Variants in ITPR2 observed in about 807,000 individuals in gnomAD.
ITPR2 encodes the protein inositol 1,4,5-trisphosphate receptor type 2, also known as inositol 1,4,5-trisphosphate-gated calcium channel ITPR2.
Under a neutral mutation model 317.1 loss-of-function variants are expected in ITPR2, and 207 were observed. That is an observed-to-expected ratio of 0.65 (90% CI 0.58 to 0.73). The LOEUF (loss-of-function observed/expected upper bound fraction) is 0.73, where lower values mean the gene tolerates loss of function less well. Among genes scored for constraint, ITPR2 ranks in the 30% least tolerant of loss-of-function variants. ITPR2 has a pLI of 0.00. For missense variants in ITPR2, 2,613 were observed against 3,284.0 expected (o/e 0.80, Z 4.99); for synonymous variants, 1,156 against 1,149.1 (o/e 1.01, Z -0.12).
intron 45 of ITPR2, among the ~76,000 whole-genome samples, chr12:26,448,002 TA>T (rs10648745): frequency 2.7e-5 from 4 of 147,584 alleles, no homozygotes; most frequent in Admixed American, 6.7e-5. Flanking sequence ...GACTTTTTTT[TA>T]AAAAAAAAAA....
At chr12:26,670,018 G>T (rs1947721615) in intron 13 of ITPR2, among the ~76,000 whole-genome samples, 1 of 152,220 alleles carries the variant, frequency 6.6e-6, no homozygotes, top group Non-Finnish European at 1.5e-5. Flanking sequence ...CATTGCCCAG[G>T]CTTGCTTAGG....
At chr12:26,602,522 A>G in intron 27 of ITPR2, 27 bp from the exon 28 acceptor site, 1 of 1,595,810 alleles carries the variant, frequency 6.3e-7, no homozygotes, top group Non-Finnish European at 8.6e-7. Context: ...GAAAGCATCA[A>G]ATATAATAAA....
intron 35 of ITPR2, among the ~76,000 whole-genome samples, chr12:26,560,922 C>T (rs2137027515): frequency 6.6e-6 from 1 of 152,272 alleles, no homozygotes; most frequent in Middle Eastern, 3.4e-3. Context: ...CAATATTCTA[C>T]TAATTATGTG....
intron 30 of ITPR2, 88 bp from the exon 31 acceptor site, chr12:26,597,222 T>C (rs1591944664): frequency 1.5e-6 from 2 of 1,376,520 alleles, no homozygotes; most frequent in East Asian, 4.6e-5. Flanking sequence ...TGGAAACACG[T>C]ATATCTCTTC....
chr12:26,398,057 GGTGTGTGTGTGTGTGT>G (rs35660888), intron 54 of ITPR2, among the ~76,000 whole-genome samples: 3 of 135,002 alleles, frequency 2.2e-5, no homozygotes, highest in African/African-American at 8.6e-5. Flanking sequence ...GGAGGGGAGT[GGTGTGTGTGTGTGTGT>G]GTGTGTGTGT....
At chr12:26,677,490 C>T (rs1947937157) in intron 13 of ITPR2, among the ~76,000 whole-genome samples, 1 of 151,916 alleles carries the variant, frequency 6.6e-6, no homozygotes, top group Non-Finnish European at 1.5e-5. Flanking sequence ...TTCCCAGCTA[C>T]TCGGGAGTCT....
intron 37 of ITPR2, among the ~76,000 whole-genome samples, chr12:26,535,596 A>G (rs553095019): frequency 6.6e-6 from 1 of 152,328 alleles, no homozygotes; most frequent in African/African-American, 2.4e-5. Context: ...TAAATCAGTC[A>G]AGTACTTGGG....
At chr12:26,522,843 G>GC (rs1555147193) in intron 37 of ITPR2, among the ~76,000 whole-genome samples, 33 of 151,796 alleles carry the variant, frequency 2.2e-4, no homozygotes, top group African/African-American at 7.9e-4. Context: ...TTCCACGGCG[G>GC]GGGGGGAACC....
At chr12:26,788,270 T>C (rs1950291216) in intron 2 of ITPR2, among the ~76,000 whole-genome samples, 1 of 152,202 alleles carries the variant, frequency 6.6e-6, no homozygotes, top group Non-Finnish European at 1.5e-5. Flanking sequence ...TCTGGAAATA[T>C]TTCAGGGCTC....
In ITPR2 at chr12:26,707,479, G is replaced by A. The variant is rs151202802; in HGVS notation, c.951+3694C>T. ...GTCACTCAAAATATAGAGAACCCCC[G>A]TCCTACTTGAACGACATGACTAATG... On this transcript the variant is annotated intron_variant, in intron 9 of 56. Transcript: ENST00000381340. 2.4e-3 allele frequency among the ~76,000 whole-genome samples: 364 copies of A among 152,206 alleles called. 2 individuals carry two copies. Among genetic ancestry groups the A allele is most frequent in the African/African-American group, 7.2e-3 (298 of 41,542 alleles).
At chr12:26,437,066 G>A (rs567407510) in intron 47 of ITPR2, among the ~76,000 whole-genome samples, 78 of 152,208 alleles carry the variant, frequency 5.1e-4, no homozygotes, top group South Asian at 4.6e-3. Context: ...TACATCAATC[G>A]AATACAGTTT....
intron 26 of ITPR2, among the ~76,000 whole-genome samples, chr12:26,620,460 G>A (rs551531281): frequency 6.6e-6 from 1 of 152,242 alleles, no homozygotes; most frequent in East Asian, 1.9e-4. Flanking sequence ...CACCAGACAG[G>A]CATTTACAAA....
At chr12:26,573,903 A>T (rs1480510132) in intron 34 of ITPR2, among the ~76,000 whole-genome samples, 2 of 152,154 alleles carry the variant, frequency 1.3e-5, no homozygotes, top group African/African-American at 4.8e-5. Flanking sequence ...ACATGTTAAG[A>T]TCCTCTAACA....
chr12:26,768,515 T>C (rs1949774082), intron 2 of ITPR2, among the ~76,000 whole-genome samples: 3 of 124,286 alleles, frequency 2.4e-5, no homozygotes, highest in African/African-American at 9.6e-5. Flanking sequence ...AATTCAGATC[T>C]AAAGGTATTA....
intron 1 of ITPR2, among the ~76,000 whole-genome samples, chr12:26,828,180 C>T (rs1187706511): frequency 1.3e-5 from 2 of 152,154 alleles, no homozygotes; most frequent in Admixed American, 1.3e-4. Flanking sequence ...CTCCAACTAA[C>T]AGAAGAGAAA....
chr12:26,735,952 T>C (rs1949112667), intron 2 of ITPR2, among the ~76,000 whole-genome samples: 1 of 152,238 alleles, frequency 6.6e-6, no homozygotes, highest in African/African-American at 2.4e-5. Context: ...ACCTTTACTA[T>C]AGCACCCATC....
At chr12:26,815,125 G>C (rs548732660) in intron 1 of ITPR2, among the ~76,000 whole-genome samples, 39 of 152,270 alleles carry the variant, frequency 2.6e-4, no homozygotes, top group African/African-American at 7.9e-4. Context: ...AATCAGTTGA[G>C]GTCAGGAGTT....
At chr12:26,441,630 T>G (rs1203395471) in intron 46 of ITPR2, among the ~76,000 whole-genome samples, 1 of 151,896 alleles carries the variant, frequency 6.6e-6, no homozygotes, top group East Asian at 1.9e-4. Context: ...GATCAACGAG[T>G]TCATCAGCCT....
Position 26,339,252 on chromosome 12 carries a change from G to A in ITPR2, c.*145C>T, listed in dbSNP as rs749004250. The A allele has an allele frequency of 4.3e-5, 28 of 650,330 alleles. No homozygotes were observed. Among genetic ancestry groups the A allele is most frequent in the African/African-American group, 1.1e-4 (6 of 54,764 alleles). The allele number at this position is 650,330 out of a possible 1,614,324, so 40.3% of individuals were successfully genotyped here. ...GAAAACACAGTTATAAATTGTTCTC[G>A]GAGCTAACCCACTCAACATCTTGGC... is the stretch of plus-strand genomic sequence containing the variant. On this transcript the variant is annotated 3_prime_UTR_variant, in exon 57 of 57. Transcript: ENST00000381340.
Sources: allele counts gnomAD v4.1 joint callset (sites outside exome capture counted in the v4.1 genomes callset), GRCh38; gene constraint gnomAD v4.1.1; transcripts MANE v1.5; gene names NCBI Gene and HGNC (gene_info 2026-07-23, HGNC 2026-07-21).